CSMD1: variants seen among roughly 807,000 people sequenced by gnomAD.
The protein encoded by CSMD1 is CUB and Sushi multiple domains 1.
In CSMD1, 213 loss-of-function variants were observed where a neutral mutation model predicts 417.5. That is an observed-to-expected ratio of 0.51 (90% CI 0.46 to 0.57). The LOEUF is 0.57. Ranked by LOEUF, CSMD1 falls within the 20% of genes least tolerant of loss-of-function variation. The pLI, the probability that CSMD1 is intolerant of heterozygous loss-of-function variation, is 0.00. For synonymous variants in CSMD1, 2,862 were observed against 1,736.8 expected, an observed-to-expected ratio of 1.65 and a Z score of -16.11; for missense variants, 6,923 against 4,529.7, an observed-to-expected ratio of 1.53 and a Z score of -15.17.
intron 1 of CSMD1, among the ~76,000 whole-genome samples, chr8:4,821,895 T>A (rs1032662414): frequency 1.3e-5 from 2 of 152,176 alleles, no homozygotes; most frequent in Non-Finnish European, 2.9e-5. Context: ...AGCTGTAAAA[T>A]GTGTGTAATC....
intron 2 of CSMD1, among the ~76,000 whole-genome samples, chr8:4,484,980 C>T (rs1585150483): frequency 3.7e-5 from 2 of 53,918 alleles, no homozygotes; most frequent in Non-Finnish European, 3.1e-5. Context: ...GACTCTGCCT[C>T]AAAAAAAAAA....
At chr8:3,628,541 C>A (rs1035645402) in intron 7 of CSMD1, among the ~76,000 whole-genome samples, 2 of 152,164 alleles carry the variant, frequency 1.3e-5, no homozygotes, top group Non-Finnish European at 2.9e-5. Context: ...TGATGAAAGC[C>A]AGAGCTGGTT....
intron 5 of CSMD1, among the ~76,000 whole-genome samples, chr8:3,763,501 G>C (rs1042899568): frequency 2.0e-5 from 3 of 151,986 alleles, no homozygotes; most frequent in African/African-American, 7.3e-5. Flanking sequence ...ATATACCTGT[G>C]CCCACTCTAC....
intron 23 of CSMD1, among the ~76,000 whole-genome samples, chr8:3,313,832 G>T (rs994070613): frequency 6.6e-6 from 1 of 152,160 alleles, no homozygotes; most frequent in African/African-American, 2.4e-5. Context: ...TATGTTTATA[G>T]CGGCACTATT....
chr8:4,604,880 T>G (rs75391952), intron 2 of CSMD1, among the ~76,000 whole-genome samples: 4,891 of 152,340 alleles, frequency 0.032, 262 homozygotes, highest in African/African-American at 0.11. Context: ...GAAGATTTAC[T>G]TTGACTCTGA....
In CSMD1 at chr8:4,310,182, A is replaced by C. The variant is rs368876667; in HGVS notation, c.415+109771T>G. On this transcript the variant is annotated intron_variant, in intron 3 of 69. Transcript: ENST00000635120. ...CCAGGTATTGCATCAGACCATAAAG[A>C]AACAATGGTAATCTCCTTTCCATCT... is the stretch of plus-strand genomic sequence containing the variant. 7.2e-5 allele frequency among the ~76,000 whole-genome samples: 11 copies of C among 152,154 alleles called. No homozygotes were observed. In the East Asian group the frequency reaches 1.5e-3, roughly 21 times the overall value.
At chr8:4,071,489 A>G (rs778722517) in intron 3 of CSMD1, among the ~76,000 whole-genome samples, 8 of 152,024 alleles carry the variant, frequency 5.3e-5, no homozygotes, top group Non-Finnish European at 1.0e-4. Context: ...ACTTTTTTTC[A>G]CCAAGAGCAT....
chr8:4,474,003 A>C (rs1800669735), intron 2 of CSMD1, among the ~76,000 whole-genome samples: 2 of 152,216 alleles, frequency 1.3e-5, no homozygotes, highest in South Asian at 2.1e-4. Context: ...AATTAATTTC[A>C]GAAAGACCCA....
chr8:3,083,471 T>G (rs949991157), intron 49 of CSMD1, among the ~76,000 whole-genome samples: 1 of 149,858 alleles, frequency 6.7e-6, no homozygotes, highest in Admixed American at 6.7e-5. Flanking sequence ...TTTCTGATTA[T>G]ATATATTTTT....
intron 3 of CSMD1, among the ~76,000 whole-genome samples, chr8:4,133,130 G>C (rs547079995): frequency 6.6e-6 from 1 of 152,176 alleles, no homozygotes; most frequent in East Asian, 1.9e-4. Flanking sequence ...TAGAGAAGGG[G>C]TTTCACCATA....
At chr8:4,328,955 A>G (rs1431349389) in intron 3 of CSMD1, among the ~76,000 whole-genome samples, 1 of 152,244 alleles carries the variant, frequency 6.6e-6, no homozygotes, top group Non-Finnish European at 1.5e-5. Flanking sequence ...TTGCAAGTTT[A>G]GCAGAGTATC....
intron 3 of CSMD1, among the ~76,000 whole-genome samples, chr8:4,290,611 G>A (rs1029772066): frequency 1.3e-5 from 2 of 152,218 alleles, no homozygotes; most frequent in African/African-American, 4.8e-5. Context: ...AGGACAGGTA[G>A]ATGCTGTATT....
intron 2 of CSMD1, among the ~76,000 whole-genome samples, chr8:4,537,281 G>C (rs1188123725): frequency 1.3e-5 from 2 of 152,012 alleles, no homozygotes; most frequent in Non-Finnish European, 2.9e-5. Context: ...TTATCCATCT[G>C]GTAAAATGCT....
At chr8:4,222,208 G>C (rs150759977) in intron 3 of CSMD1, among the ~76,000 whole-genome samples, 3 of 151,920 alleles carry the variant, frequency 2.0e-5, no homozygotes, top group Non-Finnish European at 4.4e-5. Context: ...CCAGATAATT[G>C]AATCAAGATT....
At chr8:3,681,320 T>G (rs1799649978) in intron 7 of CSMD1, among the ~76,000 whole-genome samples, 1 of 152,200 alleles carries the variant, frequency 6.6e-6, no homozygotes, top group East Asian at 1.9e-4. Context: ...CTCCTTAAGC[T>G]GATAAGCAAC....
chr8:3,470,789 G>C (rs1231630306), intron 11 of CSMD1, among the ~76,000 whole-genome samples: 2 of 151,984 alleles, frequency 1.3e-5, no homozygotes, highest in African/African-American at 2.4e-5. Flanking sequence ...TAACAACCTG[G>C]GATTGGATTT....
At chr8:4,721,351 A>C (rs1809040270) in intron 1 of CSMD1, among the ~76,000 whole-genome samples, 1 of 152,186 alleles carries the variant, frequency 6.6e-6, no homozygotes, top group Non-Finnish European at 1.5e-5. Flanking sequence ...TTTTTATTCT[A>C]CTGCCTAGTG....
At position 4,354,232 on chromosome 8, in the gene CSMD1, C is replaced by A. The variant is rs567052575; in HGVS notation, c.415+65721G>T. 4.6e-5 allele frequency among the ~76,000 whole-genome samples: 7 copies of A among 152,280 alleles called. No homozygotes were observed. The East Asian group carries it at 1.3e-3, about 29-fold the overall frequency. On this transcript the variant is annotated intron_variant, in intron 3 of 69. Coordinates refer to ENST00000635120, the MANE Select transcript of CSMD1 (RefSeq NM_033225.6). ...ACCACCCTGAGCCTTCCGATATTTCCACCTTACCAACAACATTGTAGATCA... is the reference window on the plus strand; with the variant it reads ...ACCACCCTGAGCCTTCCGATATTTCAACCTTACCAACAACATTGTAGATCA...
chr8:4,915,172 A>T (rs1393230259), intron 1 of CSMD1, among the ~76,000 whole-genome samples: 1 of 152,202 alleles, frequency 6.6e-6, no homozygotes, highest in Non-Finnish European at 1.5e-5. Context: ...TATATATATA[A>T]GAGAAATGCA....
Sources: gnomAD v4.1 joint callset for allele counts (sites outside exome capture counted in the v4.1 genomes callset) on GRCh38, gnomAD v4.1.1 for gene constraint, MANE v1.5 for transcripts, NCBI Gene and HGNC (gene_info 2026-07-23, HGNC 2026-07-21) for gene names.